UTP20: variants seen among roughly 807,000 people sequenced by gnomAD.
The protein encoded by UTP20 is small subunit processome component 20 homolog.
Under a neutral mutation model 329.5 loss-of-function variants are expected in UTP20, and 164 were observed. The observed-to-expected ratio is 0.50, with a 90% confidence interval of 0.44 to 0.57. UTP20 has a LOEUF of 0.57. Among genes scored for constraint, UTP20 ranks in the 20% least tolerant of loss-of-function variants. The pLI is 0.00. For synonymous variants in UTP20, 1,151 were observed against 1,159.3 expected, an observed-to-expected ratio of 0.99 and a Z score of 0.14; for missense variants, 3,055 against 3,284.2, an observed-to-expected ratio of 0.93 and a Z score of 1.71.
Position 101,288,995 on chromosome 12 carries a change from A to G in UTP20, c.551A>G (p.His184Arg). 1 of 1,613,982 alleles carries G rather than the reference A, an allele frequency of 6.2e-7. No homozygotes were observed. The highest frequency in any genetic ancestry group is 8.5e-7 in the Non-Finnish European group (1 of 1,179,936). The stretch of plus-strand genomic sequence containing the variant: ...ACACTCCTGGCTCATAAAAAACTAC[A>G]TATAAGAAATTTTGCTGCTGAAAGT... ...YSTLLAHKKL[H>R]IRNFAAESFT... Residue 184 changes from histidine (H) to arginine (R), a missense_variant, in exon 6 of 62, where the codon CAT becomes CGT. Around this residue, in one of 3 missense-constraint regions of UTP20, gnomAD observed 2,445 missense variants for 2,575.5 expected, o/e 0.95. Transcript: ENST00000261637.
At chr12:101,339,718 G>A (rs570986321) in intron 31 of UTP20, among the ~76,000 whole-genome samples, 14 of 152,302 alleles carry the variant, frequency 9.2e-5, no homozygotes, top group African/African-American at 3.1e-4. Flanking sequence ...AGACCTAGGA[G>A]TGTATTGTGA....
At chr12:101,345,891 CCA>C (rs969265899) in intron 37 of UTP20, among the ~76,000 whole-genome samples, 197 bp downstream of exon 37, 6 of 152,158 alleles carry the variant, frequency 3.9e-5, no homozygotes, top group African/African-American at 1.4e-4. Flanking sequence ...GTATCACAAA[CCA>C]CAGTTAATAA....
intron 57 of UTP20, among the ~76,000 whole-genome samples, 170 bp from the exon 58 acceptor site, chr12:101,380,970 G>A (rs1382431652): frequency 6.6e-6 from 1 of 151,938 alleles, no homozygotes; most frequent in Non-Finnish European, 1.5e-5. Flanking sequence ...AGGTAGAAGG[G>A]AGCAGTACAC....
At chr12:101,289,865 T>C (rs1872082092) in intron 6 of UTP20, 1 of 180,314 alleles carries the variant, frequency 5.5e-6, no homozygotes, top group African/African-American at 2.4e-5. Flanking sequence ...AAAATACAAA[T>C]GTATTTACTT....
intron 38 of UTP20, among the ~76,000 whole-genome samples, chr12:101,350,148 G>A (rs1237376707): frequency 6.6e-6 from 1 of 151,912 alleles, no homozygotes; most frequent in Admixed American, 6.6e-5. Flanking sequence ...AACCATATGA[G>A]AATTTTATAA....
Position 101,338,109 on chromosome 12 carries a change from A to T in UTP20, c.3700A>T (p.Asn1234Tyr). Residue 1234 changes from asparagine to tyrosine, a missense_variant, in exon 30 of 62, where the codon AAT becomes TAT. Asn to Tyr is a moderately radical substitution (Grantham distance 143). Transcript: ENST00000261637. ...GCACCCAGAATGTGATATCCTGACC[A>T]ATGTTTTTGCAATTCTCTCAGCGAA... ...PGHPECDILT[N>Y]VFAILSAKNL... 2 of 1,614,178 alleles carry T rather than the reference A, an allele frequency of 1.2e-6. No homozygotes were observed. Among genetic ancestry groups the T allele is most frequent in the African/African-American group, 2.7e-5 (2 of 75,056 alleles).
intron 12 of UTP20, 69 bp downstream of exon 12, chr12:101,295,727 A>G (rs752727622): frequency 1.3e-5 from 19 of 1,438,938 alleles, no homozygotes; most frequent in Non-Finnish European, 1.7e-5. Flanking sequence ...TATCAAGAAT[A>G]CTGTAAAAAA....
At chr12:101,382,194 CAGG>C (rs746747998) in intron 58 of UTP20, among the ~76,000 whole-genome samples, 13 of 152,056 alleles carry the variant, frequency 8.5e-5, no homozygotes, top group Non-Finnish European at 1.6e-4. Context: ...CTCTCGAGGC[CAGG>C]AGTTCAAGAC....
chr12:101,373,658 C>T lies in UTP20; in HGVS notation c.7022C>T (p.Thr2341Met), dbSNP rs369003885. ...CLMTINDDSA[T>M]CKKMASMTIK... ...ATGACGATCAATGATGACTCTGCCA[C>T]GTGCAAAAAGATGGCATCCATGACA... is the stretch of plus-strand genomic sequence containing the variant. The change falls in exon 54 of 62, where the codon ACG (threonine) becomes ATG (methionine). Residue 2341 changes from threonine to methionine, a missense_variant. Around this residue, in one of 3 missense-constraint regions of UTP20, gnomAD observed 273 missense variants for 363.1 expected, o/e 0.75. Transcript: ENST00000261637. The T allele has an allele frequency of 3.5e-5, 57 of 1,612,794 alleles. No homozygotes were observed. The highest frequency in any genetic ancestry group is 1.6e-4 in the Middle Eastern group (1 of 6,082).
chr12:101,312,547 T>A (rs1872829839), intron 21 of UTP20, among the ~76,000 whole-genome samples: 1 of 152,224 alleles, frequency 6.6e-6, no homozygotes, highest in African/African-American at 2.4e-5. Flanking sequence ...ATTCAAGCGA[T>A]TCTCCTGCCT....
intron 2 of UTP20, 31 bp downstream of exon 2, chr12:101,281,227 A>G (rs1327696908): frequency 3.8e-6 from 6 of 1,566,804 alleles, no homozygotes; most frequent in East Asian, 4.5e-5. Flanking sequence ...TCAATCTTCA[A>G]GTGTTCATGG....
intron 54 of UTP20, 29 bp from the exon 55 acceptor site, chr12:101,374,779 G>C (rs1388890535): frequency 1.1e-6 from 1 of 883,558 alleles, no homozygotes; most frequent in Non-Finnish European, 1.9e-6. Flanking sequence ...AAGTTCTCTT[G>C]ACATTGTCTT....
chr12:101,356,995 T>C lies in UTP20; in HGVS notation c.5604T>C (p.Thr1868=). The C allele has an allele frequency of 6.2e-7, 1 of 1,614,154 alleles. No homozygotes were observed. Among genetic ancestry groups the C allele is most frequent in the Non-Finnish European group, 8.5e-7 (1 of 1,179,990 alleles). ...AQEIRDIARS[T]LAKIIEDLGV... ...AAATCAGAGACATTGCACGCAGCAC[T>C]CTTGCGAAAATAATAGAGGATCTTG... The change falls in exon 43 of 62, where the codon ACT becomes ACC. Residue 1868 remains threonine (T), a synonymous_variant. Transcript: ENST00000261637.
At chr12:101,355,250 A>G (rs1869682181) in intron 41 of UTP20, 132 bp downstream of exon 41, 9 of 1,003,210 alleles carry the variant, frequency 9.0e-6, no homozygotes, top group Non-Finnish European at 1.3e-5. Flanking sequence ...ACACTTCACA[A>G]TTCACCCCTC....
In UTP20 at chr12:101,375,708, A is replaced by C. The variant is rs1407477803; in HGVS notation, c.7348A>C (p.Asn2450His). Residue 2450 changes from asparagine (N) to histidine (H), a missense_variant, in exon 56 of 62, where the codon AAT becomes CAT. By Grantham distance (68) the Asn-to-His change is moderately conservative. Around this residue, in one of 3 missense-constraint regions of UTP20, gnomAD observed 273 missense variants for 363.1 expected, o/e 0.75. Coordinates refer to ENST00000261637, the MANE Select transcript of UTP20 (RefSeq NM_014503.3). ...TLITKLIKEC[N>H]IIQFTKPAET... ...GATAACTAAACTTATCAAGGAATGT[A>C]ATATTATTCAGTTTACCAAACCCGC... 4 of 1,603,170 alleles carry C rather than the reference A, an allele frequency of 2.5e-6. No individual in the cohort carries two copies. In the African/African-American group the frequency reaches 5.4e-5, roughly 21 times the overall value.
chr12:101,327,470 C>T (rs1028924292), intron 26 of UTP20, among the ~76,000 whole-genome samples: 1 of 151,988 alleles, frequency 6.6e-6, no homozygotes, highest in Non-Finnish European at 1.5e-5. Context: ...TGTTAGAGCC[C>T]CTGATGAGAA....
intron 43 of UTP20, among the ~76,000 whole-genome samples, chr12:101,361,363 C>T (rs1024459789): frequency 6.6e-6 from 1 of 152,078 alleles, no homozygotes; most frequent in African/African-American, 2.4e-5. Context: ...GTGGCTCACT[C>T]CTGTAATCGC....
intron 44 of UTP20, among the ~76,000 whole-genome samples, chr12:101,362,586 C>T (rs1869964412): frequency 7.5e-6 from 1 of 132,888 alleles, no homozygotes; most frequent in Non-Finnish European, 1.5e-5. Context: ...CACCTGTAAT[C>T]CCAGCTACCC....
chr12:101,322,365 A>G (rs1207396052), intron 25 of UTP20, among the ~76,000 whole-genome samples: 4 of 152,234 alleles, frequency 2.6e-5, no homozygotes, highest in Non-Finnish European at 5.9e-5. Context: ...CCTAAATTTT[A>G]CTGTTGAGAT....
Sources: gnomAD v4.1 joint callset for allele counts (sites outside exome capture counted in the v4.1 genomes callset) on GRCh38, gnomAD v4.1.1 for gene constraint, gnomAD v4.1.1 regional missense constraint, MANE v1.5 for transcripts, NCBI Gene and HGNC (gene_info 2026-07-23, HGNC 2026-07-21) for gene names.